Variants in MRTFB observed in about 807,000 individuals in gnomAD.
The protein encoded by MRTFB is myocardin-related transcription factor B.
A neutral mutation model predicts 104.2 loss-of-function variants in MRTFB; 29 were observed. The observed-to-expected ratio is 0.28, with a 90% confidence interval of 0.21 to 0.38. MRTFB has a LOEUF of 0.38. Among genes scored for constraint, MRTFB ranks in the 10% least tolerant of loss-of-function variants. The pLI, the probability that MRTFB is intolerant of heterozygous loss-of-function variation, is 1.00. For missense variants in MRTFB, 1,270 were observed against 1,341.6 expected, an observed-to-expected ratio of 0.95 and a Z score of 0.83; for synonymous variants, 535 against 519.5, an observed-to-expected ratio of 1.03 and a Z score of -0.41.
chr16:14,192,498 G>A (rs771936074), intron 3 of MRTFB, among the ~76,000 whole-genome samples: 39 of 152,140 alleles, frequency 2.6e-4, no homozygotes, highest in Non-Finnish European at 5.1e-4. Flanking sequence ...TTGAGATGAA[G>A]TTATATAATT....
the MRTFB span, among the ~76,000 whole-genome samples, chr16:14,061,513 A>G: frequency 5.3e-5 from 8 of 151,758 alleles, no homozygotes; most frequent in East Asian, 1.4e-3. Context: ...CAGACAGCAA[A>G]TATGGAGCAG....
chr16:14,064,693 T>C, the MRTFB span, among the ~76,000 whole-genome samples: 15 of 152,158 alleles, frequency 9.9e-5, no homozygotes, highest in African/African-American at 3.6e-4. Context: ...CCAGTTATCA[T>C]GGCACCATTT....
At chr16:14,219,386 G>T (rs1013601375) in intron 8 of MRTFB, among the ~76,000 whole-genome samples, 3 of 152,052 alleles carry the variant, frequency 2.0e-5, no homozygotes, top group Non-Finnish European at 1.5e-5. Flanking sequence ...TCTTTTAATG[G>T]GTGTCCATGT....
At chr16:14,249,624 A>G (rs2043169758) in intron 13 of MRTFB, among the ~76,000 whole-genome samples, 1 of 152,158 alleles carries the variant, frequency 6.6e-6, no homozygotes, top group Non-Finnish European at 1.5e-5. Context: ...AGAGTCAGTT[A>G]CCTCATCTTT....
chr16:14,028,144 T>G, the MRTFB span, among the ~76,000 whole-genome samples: 1 of 151,802 alleles, frequency 6.6e-6, no homozygotes, highest in Non-Finnish European at 1.5e-5. Context: ...GCCACTACAC[T>G]CCAGCCTGGG....
chr16:14,039,297 G>T, the MRTFB span, among the ~76,000 whole-genome samples: 2 of 152,188 alleles, frequency 1.3e-5, no homozygotes, highest in Non-Finnish European at 2.9e-5. Flanking sequence ...TCCAGAACGG[G>T]CATTGGAGAA....
intron 6 of MRTFB, 47 bp downstream of exon 6, chr16:14,213,667 G>A: frequency 7.4e-7 from 1 of 1,347,468 alleles, no homozygotes; most frequent in Non-Finnish European, 1.0e-6. Flanking sequence ...TTCAAGAAAA[G>A]AAGTGAGAAT....
chr16:14,017,700 TATATATATATA>T, the MRTFB span, among the ~76,000 whole-genome samples: 1 of 34,314 alleles, frequency 2.9e-5, no homozygotes, highest in Non-Finnish European at 7.7e-5. Context: ...TATATATATA[TATATATATATA>T]TTTTTTTTTT....
At chr16:14,243,716 A>G (rs750713655) in intron 10 of MRTFB, among the ~76,000 whole-genome samples, 14 of 152,206 alleles carry the variant, frequency 9.2e-5, no homozygotes, top group Non-Finnish European at 1.5e-4. Context: ...TACGTAAATT[A>G]TAAGTGAAAA....
intron 7 of MRTFB, among the ~76,000 whole-genome samples, chr16:14,218,312 G>C (rs892737640): frequency 1.8e-4 from 27 of 152,158 alleles, no homozygotes; most frequent in African/African-American, 6.3e-4. Context: ...ACCCGCCTCA[G>C]CCTCCCAAAG....
intron 2 of MRTFB, among the ~76,000 whole-genome samples, chr16:14,115,142 C>T (rs1057013117): frequency 2.0e-5 from 3 of 152,164 alleles, no homozygotes; most frequent in Non-Finnish European, 2.9e-5. Flanking sequence ...GACCTCAAGT[C>T]CTTTTCAGCA....
intron 15 of MRTFB, among the ~76,000 whole-genome samples, chr16:14,252,938 C>G (rs1372340202): frequency 6.6e-6 from 1 of 152,192 alleles, no homozygotes. Flanking sequence ...TGGTCTCTCT[C>G]TGGTCTCCAG....
At chr16:14,057,406 C>G in the MRTFB span, among the ~76,000 whole-genome samples, 1 of 152,168 alleles carries the variant, frequency 6.6e-6, no homozygotes, top group Non-Finnish European at 1.5e-5. Context: ...TCATTGATTT[C>G]TGTCCCCTTC....
In MRTFB at chr16:14,125,427, A is replaced by G. The variant is rs183103275; in HGVS notation, c.-63-15117A>G. On this transcript the variant is annotated intron_variant, in intron 2 of 16. Transcript: ENST00000571589. ...AAAATCTGAATTCGGTTTAATGGCAATCTAGCCTGGCAAACAGATTCTGCT... is the reference window on the plus strand; with the variant it reads ...AAAATCTGAATTCGGTTTAATGGCAGTCTAGCCTGGCAAACAGATTCTGCT... Among the ~76,000 whole-genome samples the G allele has an allele frequency of 4.6e-5, 7 of 152,348 alleles. No homozygotes were observed. The East Asian group carries it at 5.8e-4, about 13-fold the overall frequency.
intron 11 of MRTFB, 147 bp downstream of exon 11, chr16:14,245,807 T>C (rs2042986629): frequency 3.1e-6 from 3 of 955,464 alleles, no homozygotes; most frequent in African/African-American, 1.7e-5. Flanking sequence ...GGTATTTTCT[T>C]TTTACTTCCA....
intron 2 of MRTFB, 64 bp downstream of exon 2, chr16:14,079,418 T>G (rs1483454263): frequency 3.0e-6 from 1 of 330,494 alleles, no homozygotes; most frequent in African/African-American, 2.1e-5. Flanking sequence ...TTTTACCTCC[T>G]CTTACAGCCT....
chr16:14,123,648 T>C (rs1157234232), intron 2 of MRTFB, among the ~76,000 whole-genome samples: 2 of 152,236 alleles, frequency 1.3e-5, no homozygotes, highest in African/African-American at 4.8e-5. Context: ...TTGGTACTAG[T>C]ACCATGCTGT....
chr16:14,149,357 C>G (rs900625235), intron 3 of MRTFB: 1 of 152,160 alleles, frequency 6.6e-6, no homozygotes, highest in Non-Finnish European at 1.5e-5. Context: ...TGATTCACGG[C>G]TTGCCTTTGG....
intron 12 of MRTFB, 168 bp downstream of exon 12, chr16:14,247,675 A>G (rs1002089141): frequency 4.7e-6 from 3 of 639,770 alleles, no homozygotes; most frequent in South Asian, 2.0e-5. Flanking sequence ...AATATCTAGC[A>G]CTGTTTTTAT....
Sources: gnomAD v4.1 joint callset for allele counts (sites outside exome capture counted in the v4.1 genomes callset) on GRCh38, gnomAD v4.1.1 for gene constraint, MANE v1.5 for transcripts, NCBI Gene and HGNC (gene_info 2026-07-23, HGNC 2026-07-21) for gene names.